BPNT1: variants seen among roughly 807,000 people sequenced by gnomAD.
The protein encoded by BPNT1 is 3'(2'), 5'-bisphosphate nucleotidase 1, also known as 3'(2'),5'-bisphosphate nucleotidase 1.
A neutral mutation model predicts 36.9 loss-of-function variants in BPNT1; 28 were observed. That is an observed-to-expected ratio of 0.76 (90% CI 0.56 to 1.04). The LOEUF (loss-of-function observed/expected upper bound fraction) is 1.04. Among genes scored for constraint, BPNT1 ranks in the 50% least tolerant of loss-of-function variants. BPNT1 has a pLI of 0.00. For synonymous variants in BPNT1, 119 were observed against 130.9 expected (o/e 0.91, Z 0.62); for missense variants, 313 against 372.9 (o/e 0.84, Z 1.32).
At chr1:220,063,909 C>A (rs757488947) in intron 6 of BPNT1, among the ~76,000 whole-genome samples, 7 of 152,058 alleles carry the variant, frequency 4.6e-5, no homozygotes, top group Middle Eastern at 3.2e-3. Context: ...GAAAAAAAAT[C>A]TGTATTTCAT....
Position 220,067,285 on chromosome 1 carries a change from A to T in BPNT1, c.474+17T>A. The stretch of plus-strand genomic sequence containing the variant: ...TATTTATCTAATGAAATTACTTTGT[A>T]TCATTTATAGTAATACCTCATAGTT... On this transcript the variant is annotated intron_variant, in intron 6 of 8. Transcript: ENST00000322067. The T allele has an allele frequency of 6.8e-7, 1 of 1,480,964 alleles. No homozygotes were observed. Among genetic ancestry groups the T allele is most frequent in the African/African-American group, 1.4e-5 (1 of 71,550 alleles). 91.7% of individuals were successfully genotyped at this position (1,480,964 alleles called of 1,614,324 possible). A position where few individuals can be genotyped will look rare whatever the true frequency, so the allele number is the denominator to read the frequency against.
rs766906770 is a variant in BPNT1 at position 220,067,284 on chromosome 1, T to A, written c.474+18A>T. The A allele has an allele frequency of 6.8e-7, 1 of 1,467,104 alleles. No homozygotes were observed. Among genetic ancestry groups the A allele is most frequent in the South Asian group, 1.2e-5 (1 of 81,334 alleles). The allele number at this position is 1,467,104 out of a possible 1,614,324, so 90.9% of individuals were successfully genotyped here. On this transcript the variant is annotated intron_variant, in intron 6 of 8. Transcript: ENST00000322067. ...TTATTTATCTAATGAAATTACTTTG[T>A]ATCATTTATAGTAATACCTCATAGT...
chr1:220,079,591 C>A, intron 2 of BPNT1, 136 bp downstream of exon 2: 1 of 1,079,846 alleles, frequency 9.3e-7, no homozygotes, highest in East Asian at 2.6e-5. Context: ...CCCTTTAGAA[C>A]CAAGCGTCTT....
chr1:220,074,156 T>G, intron 2 of BPNT1, 85 bp from the exon 3 acceptor site: 1 of 1,177,194 alleles, frequency 8.5e-7, no homozygotes, highest in Non-Finnish European at 1.2e-6. Context: ...CTACATAATT[T>G]AGATTACACT....
At chr1:220,076,476 G>A (rs1227514037) in intron 2 of BPNT1, among the ~76,000 whole-genome samples, 2 of 148,426 alleles carry the variant, frequency 1.3e-5, no homozygotes, top group Non-Finnish European at 3.0e-5. Context: ...ACTCCAGCCT[G>A]GGTGACAGAG....
intron 3 of BPNT1, among the ~76,000 whole-genome samples, chr1:220,073,361 T>A (rs1369368235): frequency 1.3e-5 from 2 of 152,028 alleles, no homozygotes; most frequent in African/African-American, 4.8e-5. Flanking sequence ...CCATCTCAGC[T>A]CACTGCAACC....
chr1:220,059,810 G>C lies in BPNT1; in HGVS notation c.673-19C>G, dbSNP rs1662859543. On this transcript the variant is annotated intron_variant, in intron 7 of 8. Transcript: ENST00000322067. ...GAATAATCTGTAAGGGTAAAAATAA[G>C]AATTATCCTTTGATAATAGAAAGAA... The C allele has an allele frequency of 6.6e-7, 1 of 1,513,422 alleles. No homozygotes were observed. Among genetic ancestry groups the C allele is most frequent in the South Asian group, 1.2e-5 (1 of 81,558 alleles). The allele number at this position is 1,513,422 out of a possible 1,614,324, so 93.7% of individuals were successfully genotyped here. A position where few individuals can be genotyped will look rare whatever the true frequency, so the allele number is the denominator to read the frequency against.
intron 2 of BPNT1, among the ~76,000 whole-genome samples, chr1:220,079,166 C>T (rs893882745): frequency 6.6e-6 from 1 of 152,096 alleles, no homozygotes; most frequent in African/African-American, 2.4e-5. Context: ...GGATTTGAAG[C>T]TCGGTTACAA....
At chr1:220,077,373 A>G (rs923727962) in intron 2 of BPNT1, among the ~76,000 whole-genome samples, 2 of 151,552 alleles carry the variant, frequency 1.3e-5, no homozygotes, top group African/African-American at 4.8e-5. Flanking sequence ...GATTTATTTC[A>G]TTTGTTCTTA....
intron 8 of BPNT1, 133 bp from the exon 9 acceptor site, chr1:220,059,125 A>G: frequency 2.6e-6 from 2 of 770,038 alleles, no homozygotes; most frequent in Admixed American, 2.7e-5. Context: ...ATGAGTGTCC[A>G]TAAAGGTTAA....
At chr1:220,075,737 G>C (rs1664486577) in intron 2 of BPNT1, among the ~76,000 whole-genome samples, 1 of 152,138 alleles carries the variant, frequency 6.6e-6, no homozygotes, top group South Asian at 2.1e-4. Context: ...TTGGAACCTT[G>C]TGTGATAAAC....
At chr1:220,071,962 T>C (rs1664100625) in intron 4 of BPNT1, among the ~76,000 whole-genome samples, 1 of 152,052 alleles carries the variant, frequency 6.6e-6, no homozygotes, top group Non-Finnish European at 1.5e-5. Context: ...GCTGGGATTA[T>C]AGGCGTGAGC....
At chr1:220,078,893 T>G (rs939711350) in intron 2 of BPNT1, among the ~76,000 whole-genome samples, 6 of 152,008 alleles carry the variant, frequency 3.9e-5, no homozygotes, top group African/African-American at 1.4e-4. Flanking sequence ...CCGCACCCGG[T>G]CAGAAGATTG....
In BPNT1 at chr1:220,074,090, A is replaced by T; in HGVS notation, c.121-19T>A. On this transcript the variant is annotated intron_variant, in intron 2 of 8. Coordinates refer to ENST00000322067, the MANE Select transcript of BPNT1 (RefSeq NM_006085.6). ...CACAGGTCTGTAATAAAGAATGCAA[A>T]TTTTAGCAGAGCTAATGAAAAATAA... 6.2e-7 allele frequency: 1 copy of T among 1,602,964 alleles called. No individual in the cohort carries two copies. Among genetic ancestry groups the T allele is most frequent in the Non-Finnish European group, 8.5e-7 (1 of 1,175,116 alleles).
chr1:220,083,775 A>G (rs1655445517), intron 1 of BPNT1, among the ~76,000 whole-genome samples: 1 of 152,144 alleles, frequency 6.6e-6, no homozygotes, highest in African/African-American at 2.4e-5. Context: ...TTTAGTTTCA[A>G]GAGAGTTTGT....
chr1:220,062,172 T>C (rs1663098545), intron 7 of BPNT1, among the ~76,000 whole-genome samples: 1 of 152,042 alleles, frequency 6.6e-6, no homozygotes, highest in Admixed American at 6.6e-5. Flanking sequence ...CTTTAAGTTT[T>C]AGGGTACATG....
At chr1:220,066,300 G>A (rs1663529599) in intron 6 of BPNT1, among the ~76,000 whole-genome samples, 1 of 152,066 alleles carries the variant, frequency 6.6e-6, no homozygotes, top group Non-Finnish European at 1.5e-5. Flanking sequence ...ACAAACTTAT[G>A]TCTGTATATA....
intron 5 of BPNT1, among the ~76,000 whole-genome samples, chr1:220,068,268 C>CT (rs1294382896): frequency 1.3e-5 from 2 of 152,002 alleles, no homozygotes; most frequent in Non-Finnish European, 2.9e-5. Flanking sequence ...ACTGCAACCT[C>CT]TGTCTTCTGG....
intron 6 of BPNT1, among the ~76,000 whole-genome samples, chr1:220,066,616 A>G (rs781585018): frequency 2.0e-5 from 3 of 152,216 alleles, no homozygotes; most frequent in African/African-American, 2.4e-5. Context: ...ACAATTTCCT[A>G]TACAATTTAA....
Sources: gnomAD v4.1 joint callset for allele counts (sites outside exome capture counted in the v4.1 genomes callset) on GRCh38, gnomAD v4.1.1 for gene constraint, MANE v1.5 for transcripts, NCBI Gene and HGNC (gene_info 2026-07-23, HGNC 2026-07-21) for gene names.